Variants in GALNT13 observed in about 807,000 individuals in gnomAD.
The protein encoded by GALNT13 is polypeptide N-acetylgalactosaminyltransferase 13.
GALNT13 carries 28 observed loss-of-function variants against 64.2 expected under a neutral mutation model. The observed-to-expected ratio is 0.44, with a 90% CI of 0.32 to 0.60. GALNT13 has a LOEUF of 0.60. Ranked by LOEUF, GALNT13 falls within the 20% of genes least tolerant of loss-of-function variation. GALNT13 has a pLI of 0.05. For synonymous variants in GALNT13, 214 were observed against 224.6 expected (o/e 0.95, Z 0.42); for missense variants, 577 against 669.8 (o/e 0.86, Z 1.53).
At chr2:153,320,532 A>G in the GALNT13 span, among the ~76,000 whole-genome samples, 1 of 152,212 alleles carries the variant, frequency 6.6e-6, no homozygotes, top group African/African-American at 2.4e-5. Context: ...AGTGCTAAGA[A>G]ACATTACTTC....
At chr2:154,240,574 C>T (rs1460333070) in intron 4 of GALNT13, among the ~76,000 whole-genome samples, 3 of 152,164 alleles carry the variant, frequency 2.0e-5, no homozygotes, top group Non-Finnish European at 4.4e-5. Context: ...TTCAGTGCCC[C>T]TCTGCTCAAA....
At chr2:153,499,572 C>A in the GALNT13 span, among the ~76,000 whole-genome samples, 1 of 152,186 alleles carries the variant, frequency 6.6e-6, no homozygotes, top group African/African-American at 2.4e-5. Flanking sequence ...GATGCCCAGG[C>A]TTTTCATGCC....
chr2:154,411,317 T>C (rs868705996), intron 11 of GALNT13, among the ~76,000 whole-genome samples: 42 of 147,876 alleles, frequency 2.8e-4, no homozygotes, highest in Admixed American at 7.4e-4. Context: ...TAATTGCACA[T>C]ACACACACAC....
the GALNT13 span, among the ~76,000 whole-genome samples, chr2:153,539,746 ATCTGTATC>A: frequency 6.7e-4 from 102 of 151,152 alleles, no homozygotes; most frequent in Middle Eastern, 3.4e-3. Context: ...TATTCCATTG[ATCTGTATC>A]TCTGTTTTGG....
At chr2:153,959,141 C>G (rs774167742) in intron 3 of GALNT13, among the ~76,000 whole-genome samples, 5 of 152,234 alleles carry the variant, frequency 3.3e-5, no homozygotes, top group Non-Finnish European at 7.3e-5. Context: ...ACCCACCATA[C>G]TTAGAAAGAA....
chr2:154,288,395 T>A (rs1692401992), intron 8 of GALNT13, among the ~76,000 whole-genome samples: 1 of 152,096 alleles, frequency 6.6e-6, no homozygotes, highest in Non-Finnish European at 1.5e-5. Flanking sequence ...GAGCCCCTCA[T>A]GTCCTCACAT....
the GALNT13 span, among the ~76,000 whole-genome samples, chr2:153,576,899 A>T: frequency 1.3e-5 from 2 of 152,224 alleles, no homozygotes; most frequent in South Asian, 4.2e-4. Context: ...TCTTAAAGTC[A>T]TTGTTAGTGT....
At chr2:154,029,030 C>T (rs901425784) in intron 3 of GALNT13, among the ~76,000 whole-genome samples, 19 of 151,762 alleles carry the variant, frequency 1.3e-4, no homozygotes, top group African/African-American at 4.6e-4. Flanking sequence ...ATTTTTAAGT[C>T]GAATTGGTAA....
chr2:154,297,188 A>C (rs1447231160), intron 8 of GALNT13, among the ~76,000 whole-genome samples: 1 of 152,214 alleles, frequency 6.6e-6, no homozygotes, highest in East Asian at 1.9e-4. Flanking sequence ...AAGTAAAATT[A>C]AGTAATTAAA....
the GALNT13 span, among the ~76,000 whole-genome samples, chr2:153,509,985 TTTGA>T: frequency 6.6e-6 from 1 of 152,234 alleles, no homozygotes; most frequent in Non-Finnish European, 1.5e-5. Flanking sequence ...CACTATGTTG[TTTGA>T]TTGCACTTAT....
intron 9 of GALNT13, among the ~76,000 whole-genome samples, chr2:154,328,113 A>C (rs1335671190): frequency 6.6e-6 from 1 of 152,114 alleles, no homozygotes; most frequent in Non-Finnish European, 1.5e-5. Context: ...TGTCCCCAGC[A>C]TGCTGTTTTA....
At chr2:154,183,931 T>C (rs1686107277) in intron 4 of GALNT13, among the ~76,000 whole-genome samples, 1 of 152,050 alleles carries the variant, frequency 6.6e-6, no homozygotes, top group African/African-American at 2.4e-5. Context: ...TTTGAAATTT[T>C]TCTTTATTCT....
At chr2:153,556,447 T>G in the GALNT13 span, among the ~76,000 whole-genome samples, 5,523 of 152,316 alleles carry the variant, frequency 0.036, 152 homozygotes, top group Non-Finnish European at 0.058. Context: ...TTCATATACT[T>G]TTATAAATTT....
At chr2:153,615,649 A>G in the GALNT13 span, among the ~76,000 whole-genome samples, 1 of 152,044 alleles carries the variant, frequency 6.6e-6, no homozygotes, top group Admixed American at 6.6e-5. Flanking sequence ...ACACTTTTTC[A>G]TATGCCTGTT....
intron 3 of GALNT13, among the ~76,000 whole-genome samples, chr2:154,035,230 G>A (rs998811349): frequency 1.3e-5 from 2 of 152,096 alleles, no homozygotes; most frequent in South Asian, 2.1e-4. Flanking sequence ...TGGTATGTGC[G>A]TTTGTATGTT....
intron 3 of GALNT13, among the ~76,000 whole-genome samples, chr2:153,959,794 G>A (rs993226904): frequency 7.2e-5 from 11 of 152,058 alleles, no homozygotes; most frequent in African/African-American, 1.9e-4. Flanking sequence ...TCAGAGAGGC[G>A]GGCCCCACAC....
chr2:154,266,285 C>T (rs1690995213), intron 8 of GALNT13, among the ~76,000 whole-genome samples: 2 of 151,936 alleles, frequency 1.3e-5, no homozygotes, highest in Admixed American at 1.3e-4. Flanking sequence ...GCAACAAGGT[C>T]GGAAGAATAA....
intron 12 of GALNT13, chr2:154,445,880 A>C: frequency 2.5e-6 from 3 of 1,182,836 alleles, no homozygotes; most frequent in Non-Finnish European, 3.4e-6. Flanking sequence ...CCTGGAGCTT[A>C]TGTTCCTATG....
chr2:153,389,250 T>C, the GALNT13 span, among the ~76,000 whole-genome samples: 1 of 152,108 alleles, frequency 6.6e-6, no homozygotes, highest in South Asian at 2.1e-4. Flanking sequence ...CCCCTGCTGA[T>C]ATTTGAATTA....
Sources: gnomAD v4.1 joint callset for allele counts (sites outside exome capture counted in the v4.1 genomes callset) on GRCh38, gnomAD v4.1.1 for gene constraint, MANE v1.5 for transcripts, NCBI Gene and HGNC (gene_info 2026-07-23, HGNC 2026-07-21) for gene names.